The following PTCD3 variants were observed in gnomAD, a reference collection of about 807,000 sequenced individuals.
PTCD3 encodes the protein pentatricopeptide repeat domain 3, also known as small ribosomal subunit protein mS39.
PTCD3 carries 89 observed loss-of-function variants against 101.9 expected under a neutral mutation model. The observed-to-expected ratio is 0.87, with a 90% CI of 0.74 to 1.04. The LOEUF (loss-of-function observed/expected upper bound fraction) is 1.04. Ranked by LOEUF, PTCD3 falls within the 50% of genes least tolerant of loss-of-function variation. The probability of loss-of-function intolerance (pLI) is 0.00; values close to 1 mark genes in which losing one functional copy is unlikely to be tolerated. For missense variants in PTCD3, 870 were observed against 828.2 expected, an observed-to-expected ratio of 1.05 and a Z score of -0.62; for synonymous variants, 296 against 278.5, an observed-to-expected ratio of 1.06 and a Z score of -0.63.
chr2:86,132,621 G>A (rs1674512676), intron 17 of PTCD3, 197 bp downstream of exon 17: 1 of 356,770 alleles, frequency 2.8e-6, no homozygotes, highest in African/African-American at 2.8e-5. Context: ...GTCCTTTAAG[G>A]GTTTTTTTTT....
chr2:86,111,119 A>C lies in PTCD3; in HGVS notation c.201A>C (p.Lys67Asn). 2 of 1,613,628 alleles carry C rather than the reference A, an allele frequency of 1.2e-6. No homozygotes were observed. The change falls in exon 4 of 24, where the codon AAA becomes AAC. Residue 67 changes from lysine to asparagine, a missense_variant. Lys to Asn is a moderately conservative substitution (Grantham distance 94). Coordinates refer to ENST00000254630, the MANE Select transcript of PTCD3 (RefSeq NM_017952.6). ...VVIPKKKTWD[K>N]VAVLQALAST... Reference sequence around the variant, plus strand: ...TTGTGGTTCTTATTTTTAGGGATAAAGTAGCCGTTCTTCAGGCACTTGCAT... The same window carrying C: ...TTGTGGTTCTTATTTTTAGGGATAACGTAGCCGTTCTTCAGGCACTTGCAT...
chr2:86,108,586 G>T (rs933032282), intron 3 of PTCD3, 50 bp downstream of exon 3: 2 of 1,523,464 alleles, frequency 1.3e-6, no homozygotes, highest in Non-Finnish European at 1.8e-6. Flanking sequence ...TGCTTACTAT[G>T]AGAGAAGTGT....
intron 7 of PTCD3, among the ~76,000 whole-genome samples, chr2:86,121,114 G>A (rs1258324301): frequency 1.3e-5 from 2 of 152,158 alleles, no homozygotes; most frequent in East Asian, 1.9e-4. Flanking sequence ...ACTTGCATTT[G>A]TTCAAATGCA....
At chr2:86,132,852 G>A (rs561805162) in intron 17 of PTCD3, 151 of 364,534 alleles carry the variant, frequency 4.1e-4, no homozygotes, top group African/African-American at 3.1e-3. Context: ...CATGTTAACA[G>A]ATGTGTGAGA....
chr2:86,132,508 C>G (rs140535253), intron 17 of PTCD3, 84 bp downstream of exon 17: 1 of 913,450 alleles, frequency 1.1e-6, no homozygotes, highest in Non-Finnish European at 1.7e-6. Context: ...CATACCTCAC[C>G]TCTGGTTTCA....
Position 86,142,135 on chromosome 2 carries a change from TTAAAA to T in PTCD3, c.*4581_*4585del, listed in dbSNP as rs1291493363. On this transcript the variant is annotated 3_prime_UTR_variant, in exon 24 of 24. Transcript: ENST00000254630. ...AGTCTTCATTATTTTGTTTTACAGG[TTAAAA>T]TAAACCACTTGACTGGGCACGGTGG... 1 of 152,076 alleles carries T rather than the reference TTAAAA, an allele frequency of 6.6e-6. No individual in the cohort carries two copies. Among genetic ancestry groups the T allele is most frequent in the Non-Finnish European group, 1.5e-5 (1 of 68,024 alleles). The allele number at this position is 152,076 out of a possible 1,614,324, so 9.4% of individuals were successfully genotyped here.
intron 1 of PTCD3, 65 bp downstream of exon 1, chr2:86,106,416 C>A (rs1673948753): frequency 6.6e-7 from 1 of 1,517,204 alleles, no homozygotes; most frequent in Non-Finnish European, 9.0e-7. Context: ...TGTTTCCCAG[C>A]TGGCTGTGGA....
At chr2:86,115,256 T>G (rs1674158401) in intron 4 of PTCD3, among the ~76,000 whole-genome samples, 1 of 152,184 alleles carries the variant, frequency 6.6e-6, no homozygotes, top group Non-Finnish European at 1.5e-5. Flanking sequence ...TATCAAAATT[T>G]TAGATGCCTG....
intron 16 of PTCD3, 35 bp from the exon 17 acceptor site, chr2:86,132,283 T>C: frequency 7.6e-7 from 1 of 1,316,094 alleles, no homozygotes; most frequent in Non-Finnish European, 1.1e-6. Flanking sequence ...GCTGACAGGG[T>C]ATCAGAGTGA....
chr2:86,108,195 C>A (rs1276736084), intron 1 of PTCD3, 155 bp from the exon 2 acceptor site: 13 of 684,260 alleles, frequency 1.9e-5, no homozygotes, highest in Non-Finnish European at 2.8e-5. Flanking sequence ...TGATATTGAA[C>A]ATGTGTACAG....
chr2:86,129,986 G>A lies in PTCD3; in HGVS notation c.1148-662G>A, dbSNP rs149937084. ...GACCTCATTCTGATTATATTTAAAG[G>A]GAACACAAATGATTACTAGCAAAAA... On this transcript the variant is annotated intron_variant, in intron 14 of 23. Transcript: ENST00000254630. Among the ~76,000 whole-genome samples, 45 of 152,166 alleles carry A rather than the reference G, an allele frequency of 3.0e-4. No homozygotes were observed. The East Asian group carries it at 7.9e-3, about 27-fold the overall frequency.
chr2:86,111,228 A>G, intron 4 of PTCD3, 70 bp downstream of exon 4: 2 of 1,284,318 alleles, frequency 1.6e-6, no homozygotes, highest in Admixed American at 1.7e-5. Flanking sequence ...CTCGGCTAAT[A>G]ACACATTTAA....
chr2:86,106,969 G>C (rs1020416901), intron 1 of PTCD3: 9 of 359,594 alleles, frequency 2.5e-5, no homozygotes, highest in Non-Finnish European at 4.5e-5. Context: ...CCTAATTTTA[G>C]GTTTAGTGTT....
chr2:86,125,585 G>A (rs1674368522), intron 11 of PTCD3, 70 bp downstream of exon 11: 1 of 1,464,426 alleles, frequency 6.8e-7, no homozygotes, highest in Non-Finnish European at 9.6e-7. Flanking sequence ...GAAGGCTTTG[G>A]ATCGTGCCTC....
rs997412578 is a variant in PTCD3, at chr2:86,136,881, A to G, written c.1821-101A>G. On this transcript the variant is annotated intron_variant, in intron 22 of 23. Coordinates refer to ENST00000254630, the MANE Select transcript of PTCD3 (RefSeq NM_017952.6). ...TTAGACTTCATCTTTGTCTCCAGAA[A>G]TACTGTTGGGAATTCTGTTACTGAA... is the stretch of plus-strand genomic sequence containing the variant. 3.5e-6 allele frequency: 5 copies of G among 1,416,624 alleles called. No individual in the cohort carries two copies. The African/African-American group carries it at 7.2e-5, about 20-fold the overall frequency. 87.8% of individuals were successfully genotyped at this position (1,416,624 alleles called of 1,614,324 possible).
Position 86,132,311 on chromosome 2 carries a change from T to C in PTCD3, c.1267-7T>C. Reference sequence around the variant, plus strand: ...CAGAGTGATACTTACTACTTGCATATTTTCAGTGCTCATCTCTCAGAGATC... The same window carrying C: ...CAGAGTGATACTTACTACTTGCATACTTTCAGTGCTCATCTCTCAGAGATC... On this transcript the variant is annotated splice_region_variant and splice_polypyrimidine_tract_variant and intron_variant, in intron 16 of 23. Transcript: ENST00000254630. The C allele has an allele frequency of 6.4e-7, 1 of 1,554,440 alleles. No homozygotes were observed.
rs1558803086 is a variant in PTCD3, at chr2:86,141,619, A to G, written c.*4060A>G. ...ATTATTTTGAAATATTAAACATGAA[A>G]ATGTTAAATCAGGATGTGTGAGTTT... On this transcript the variant is annotated 3_prime_UTR_variant, in exon 24 of 24. Transcript: ENST00000254630. 1 of 152,216 alleles carries G rather than the reference A, an allele frequency of 6.6e-6. No individual in the cohort carries two copies. 9.4% of individuals were successfully genotyped at this position (152,216 alleles called of 1,614,324 possible). A position where few individuals can be genotyped will look rare whatever the true frequency, so the allele number is the denominator to read the frequency against.
chr2:86,130,067 C>T (rs147580047), intron 14 of PTCD3, among the ~76,000 whole-genome samples: 5 of 152,202 alleles, frequency 3.3e-5, no homozygotes, highest in African/African-American at 7.2e-5. Context: ...TTTGGGAGGC[C>T]GAGGCGGGCA....
chr2:86,133,373 A>T lies in PTCD3; in HGVS notation c.1480A>T (p.Ile494Leu), dbSNP rs1434754204. 3.1e-6 allele frequency: 5 copies of T among 1,614,060 alleles called. No homozygotes were observed. Among genetic ancestry groups the T allele is most frequent in the Non-Finnish European group, 4.2e-6 (5 of 1,180,020 alleles). Residue 494 changes from isoleucine (I) to leucine (L), a missense_variant, in exon 19 of 24, where the codon ATA (isoleucine) becomes TTA (leucine). Transcript: ENST00000254630. The stretch of plus-strand genomic sequence containing the variant: ...CTACTTTCCCCACTCCCAAACAATG[A>T]TACATCTTCTCCAAGCATTGGATGT... ...SAYFPHSQTM[I>L]HLLQALDVAN...
Sources: allele counts gnomAD v4.1 joint callset (sites outside exome capture counted in the v4.1 genomes callset), GRCh38; gene constraint gnomAD v4.1.1; transcripts MANE v1.5; gene names NCBI Gene and HGNC (gene_info 2026-07-23, HGNC 2026-07-21).